Variants in LRRN4 observed in about 807,000 individuals in gnomAD.
LRRN4 encodes leucine-rich repeat neuronal protein 4.
In LRRN4, 26 loss-of-function variants were observed where a neutral mutation model predicts 22.3. The observed-to-expected ratio is 1.16, with a 90% confidence interval of 0.85 to 1.62. LRRN4 has a LOEUF of 1.62. Among genes scored for constraint, LRRN4 ranks in the 40% most tolerant of loss-of-function variants. The probability of loss-of-function intolerance (pLI) is 0.00; values close to 1 mark genes in which losing one functional copy is unlikely to be tolerated. For synonymous variants in LRRN4, 496 were observed against 486.2 expected (o/e 1.02, Z -0.26); for missense variants, 1,070 against 1,008.5 (o/e 1.06, Z -0.83).
At chr20:6,049,457 C>T (rs922652049) in intron 3 of LRRN4, among the ~76,000 whole-genome samples, 1 of 152,136 alleles carries the variant, frequency 6.6e-6, no homozygotes, top group Non-Finnish European at 1.5e-5. Flanking sequence ...ACCACCATCA[C>T]ATCACCATTG....
Position 6,052,311 on chromosome 20 carries a change from G to C in LRRN4, c.489C>G (p.Pro163=). ...GCGCGGGGAAGCAGGCGAAGGCCCG[G>C]GGCTGCAGCGCCCGCAGCGGATTCC... ...LAGNPLRALQ[P]RAFACFPALQ... is the part of the protein sequence containing the mutation. The change falls in exon 2 of 5, where the codon CCC becomes CCG. Residue 163 remains proline, a synonymous_variant. Coordinates refer to ENST00000378858, the MANE Select transcript of LRRN4 (RefSeq NM_152611.5). 3.9e-6 allele frequency: 6 copies of C among 1,521,792 alleles called. No homozygotes were observed. The highest frequency in any genetic ancestry group is 5.3e-6 in the Non-Finnish European group (6 of 1,140,066). 94.3% of individuals were successfully genotyped at this position (1,521,792 alleles called of 1,614,324 possible).
rs368718400 is a variant in LRRN4, at chr20:6,041,320, G to A, written c.1925C>T (p.Ser642Leu). 8 of 1,597,144 alleles carry A rather than the reference G, an allele frequency of 5.0e-6. No individual in the cohort carries two copies. The African/African-American group carries it at 9.4e-5, about 19-fold the overall frequency. Reference protein sequence around the residue: ...TARQHPLYGLSPGTTYRVCVL... With the variant: ...TARQHPLYGLLPGTTYRVCVL... Reference sequence around the variant, plus strand: ...GCACACGCGGTAGGTGGTGCCCGGCGACAGCCCGTACAGAGGGTGCTGCCG... The same window carrying A: ...GCACACGCGGTAGGTGGTGCCCGGCAACAGCCCGTACAGAGGGTGCTGCCG... The change falls in exon 5 of 5, where the codon TCG becomes TTG. Residue 642 changes from serine to leucine, a missense_variant. Ser to Leu is a moderately radical substitution (Grantham distance 145). Transcript: ENST00000378858. This position sits in a 1 kb window ranked among gnomAD's most constrained non-coding sequence, Gnocchi z 9.4.
At chr20:6,048,212 C>CACAT (rs1054638258) in intron 3 of LRRN4, among the ~76,000 whole-genome samples, 1 of 142,782 alleles carries the variant, frequency 7.0e-6, no homozygotes, top group African/African-American at 2.5e-5. Context: ...TCCAGGACAT[C>CACAT]ACATTCTCCT....
In LRRN4 at chr20:6,053,968, CCT is replaced by C. The variant is rs980357872; in HGVS notation, c.-146_-145del. 1.3e-5 allele frequency: 2 copies of C among 152,472 alleles called. No individual in the cohort carries two copies. Among genetic ancestry groups the C allele is most frequent in the African/African-American group, 4.8e-5 (2 of 41,444 alleles). The allele number at this position is 152,472 out of a possible 1,614,324, so 9.4% of individuals were successfully genotyped here. On this transcript the variant is annotated 5_prime_UTR_variant, in exon 1 of 5. It introduces an in-frame stop codon into an upstream open reading frame of the 5' UTR. Transcript: ENST00000378858. ...CAGAGGGAGGCCTGTCTCCCAGCTG[CCT>C]CTCTCCCACAACCCCCATCCACTGA...
intron 4 of LRRN4, 39 bp from the exon 5 acceptor site, chr20:6,042,285 C>T (rs1568639879): frequency 1.3e-6 from 2 of 1,570,760 alleles, no homozygotes; most frequent in East Asian, 2.2e-5. Context: ...CGTCTGGCTT[C>T]AGGGACACTT....
At position 6,041,004 on chromosome 20, in the gene LRRN4, G is replaced by T. The variant is rs779819405; in HGVS notation, c.*18C>A. On this transcript the variant is annotated 3_prime_UTR_variant, in exon 5 of 5. Coordinates refer to ENST00000378858, the MANE Select transcript of LRRN4 (RefSeq NM_152611.5). This position sits in a 1 kb window ranked among gnomAD's most constrained non-coding sequence, Gnocchi z 9.4. ...GCTCAGATCCAGTTCGATGAGACGC[G>T]TTATCCCAGAAGCTGGGCTAACTGA... 2 of 1,612,718 alleles carry T rather than the reference G, an allele frequency of 1.2e-6. No individual in the cohort carries two copies. The highest frequency in any genetic ancestry group is 1.3e-5 in the African/African-American group (1 of 74,904).
rs922202647 is a variant in LRRN4, at chr20:6,040,786, G to A, written c.*236C>T. The A allele has an allele frequency of 5.3e-5, 31 of 585,340 alleles. No homozygotes were observed. Among genetic ancestry groups the A allele is most frequent in the Non-Finnish European group, 8.0e-5 (27 of 338,196 alleles). 36.3% of individuals were successfully genotyped at this position (585,340 alleles called of 1,614,324 possible). A position where few individuals can be genotyped will look rare whatever the true frequency, so the allele number is the denominator to read the frequency against. On this transcript the variant is annotated 3_prime_UTR_variant, in exon 5 of 5. Transcript: ENST00000378858. ...ACACAAGAAGGCCTGGCGGCAGTGG[G>A]GAGCGATCTGGCATTGACCATCAGG...
intron 3 of LRRN4, among the ~76,000 whole-genome samples, chr20:6,049,033 C>T (rs1398477690): frequency 6.6e-6 from 1 of 152,172 alleles, no homozygotes; most frequent in African/African-American, 2.4e-5. Flanking sequence ...ACGTAAGTGT[C>T]CACTGACTTG....
Position 6,046,774 on chromosome 20 carries a change from C to A in LRRN4, c.861-2094G>T. ...CTGGGACACCAGATTTATGTATGTG[C>A]CATTTATATTAAAACTTAAGCCATA... On this transcript the variant is annotated intron_variant, in intron 3 of 4. Coordinates refer to ENST00000378858, the MANE Select transcript of LRRN4 (RefSeq NM_152611.5). 1.3e-5 allele frequency among the ~76,000 whole-genome samples: 2 copies of A among 148,504 alleles called. 1 individual carries two copies. Among genetic ancestry groups the A allele is most frequent in the Non-Finnish European group, 3.0e-5 (2 of 66,468 alleles).
chr20:6,043,553 A>G (rs1364557434), intron 4 of LRRN4, among the ~76,000 whole-genome samples: 1 of 152,098 alleles, frequency 6.6e-6, no homozygotes, highest in African/African-American at 2.4e-5. Flanking sequence ...TTTGGAGGGA[A>G]TGTGGGGTTG....
rs764830604 is a variant in LRRN4 at position 6,045,616 on chromosome 20, C to T, written c.861-936G>A. On this transcript the variant is annotated intron_variant, in intron 3 of 4. Transcript: ENST00000378858. The stretch of plus-strand genomic sequence containing the variant: ...TCAACACCAGTCCTTTGGAAGATGC[C>T]TCATTTAAGTGCATCAGTGAACTCT... Among the ~76,000 whole-genome samples, 11 of 149,026 alleles carry T rather than the reference C, an allele frequency of 7.4e-5. 1 individual carries two copies. The highest frequency in any genetic ancestry group is 1.5e-4 in the Non-Finnish European group (10 of 66,580).
chr20:6,042,866 C>T (rs6038336), intron 4 of LRRN4, among the ~76,000 whole-genome samples: 1 of 146,932 alleles, frequency 6.8e-6, no homozygotes, highest in Admixed American at 6.9e-5. Context: ...TTGCAGTGAG[C>T]TGAGATTGCA....
intron 1 of LRRN4, 139 bp from the exon 2 acceptor site, chr20:6,052,943 TC>T: frequency 2.2e-6 from 2 of 926,166 alleles, no homozygotes; most frequent in Non-Finnish European, 3.1e-6. Context: ...GGGGAGACGT[TC>T]CCAGAGTCGC....
rs1477635090 is a variant in LRRN4 at position 6,052,330 on chromosome 20, G to A, written c.470C>T (p.Pro157Leu). 4 of 1,510,848 alleles carry A rather than the reference G, an allele frequency of 2.6e-6. No homozygotes were observed. Among genetic ancestry groups the A allele is most frequent in the Non-Finnish European group, 3.5e-6 (4 of 1,137,250 alleles). 93.6% of individuals were successfully genotyped at this position (1,510,848 alleles called of 1,614,324 possible). Residue 157 changes from proline to leucine, a missense_variant, in exon 2 of 5, where the codon CCG becomes CTG. Pro to Leu is a moderately conservative substitution (Grantham distance 98, BLOSUM62 -3). Transcript: ENST00000378858. ...GGCCCGGGGCTGCAGCGCCCGCAGCGGATTCCCGGCGAGCGCCAGGGCGCG... is the reference window on the plus strand; with the variant it reads ...GGCCCGGGGCTGCAGCGCCCGCAGCAGATTCCCGGCGAGCGCCAGGGCGCG... ...SLRALALAGNPLRALQPRAFA... is the reference protein window; with the variant it reads ...SLRALALAGNLLRALQPRAFA...
chr20:6,041,355 G>A lies in LRRN4; in HGVS notation c.1890C>T (p.Tyr630=), dbSNP rs1180019307. 3 of 1,596,560 alleles carry A rather than the reference G, an allele frequency of 1.9e-6. No individual in the cohort carries two copies. Among genetic ancestry groups the A allele is most frequent in the Non-Finnish European group, 1.7e-6 (2 of 1,174,026 alleles). The change falls in exon 5 of 5, where the codon TAC becomes TAT. Residue 630 remains tyrosine (Y), a synonymous_variant. Transcript: ENST00000378858. This position sits in a 1 kb window ranked among gnomAD's most constrained non-coding sequence, Gnocchi z 9.4. ...AGNQSVVGVI[Y]ATARQHPLYG... ...ACAGAGGGTGCTGCCGGGCCGTGGCGTAGATGACCCCCACCACCGACTGGT... is the reference window on the plus strand; with the variant it reads ...ACAGAGGGTGCTGCCGGGCCGTGGCATAGATGACCCCCACCACCGACTGGT...
In LRRN4 at chr20:6,050,875, A is replaced by G. The variant is rs1335950327; in HGVS notation, c.764T>C (p.Leu255Pro). 6.2e-7 allele frequency: 1 copy of G among 1,614,010 alleles called. No homozygotes were observed. The highest frequency in any genetic ancestry group is 1.3e-5 in the African/African-American group (1 of 74,930). The change falls in exon 3 of 5, where the codon CTG becomes CCG. Residue 255 changes from leucine to proline, a missense_variant. Leu to Pro is a moderately conservative substitution (Grantham distance 98, BLOSUM62 -3). Transcript: ENST00000378858. ...GGAGTCCTGACAGTCCAGCTGCTGC[A>G]GGTTGGGGGTCATCTTGAAAATGTC... ...EGDIFKMTPN[L>P]QQLDCQDSPA...
intron 3 of LRRN4, among the ~76,000 whole-genome samples, chr20:6,044,908 A>G (rs1316842354): frequency 3.3e-5 from 5 of 152,350 alleles, no homozygotes; most frequent in Middle Eastern, 3.4e-3. Context: ...CTTCATATCA[A>G]CTGGGGACAA....
chr20:6,049,409 T>G (rs1384057558), intron 3 of LRRN4, among the ~76,000 whole-genome samples: 2 of 152,172 alleles, frequency 1.3e-5, no homozygotes, highest in African/African-American at 2.4e-5. Context: ...ATCACCAAAG[T>G]CATCATGACC....
At chr20:6,050,291 G>T (rs1306735263) in intron 3 of LRRN4, among the ~76,000 whole-genome samples, 1 of 152,218 alleles carries the variant, frequency 6.6e-6, no homozygotes, top group Admixed American at 6.5e-5. Flanking sequence ...CCTTTTAGAA[G>T]AATAATTCCA....
Sources: allele counts gnomAD v4.1 joint callset (sites outside exome capture counted in the v4.1 genomes callset), GRCh38; gene constraint gnomAD v4.1.1; non-coding constraint Gnocchi (gnomAD v3.1); transcripts MANE v1.5; gene names NCBI Gene and HGNC (gene_info 2026-07-23, HGNC 2026-07-21).